EXPH5: variants seen among roughly 807,000 people sequenced by gnomAD.
EXPH5 encodes the protein exophilin-5.
Under a neutral mutation model 41.1 loss-of-function variants are expected in EXPH5, and 42 were observed. That is an observed-to-expected ratio of 1.02 (90% CI 0.80 to 1.32). The LOEUF is 1.32. Among genes scored for constraint, EXPH5 ranks in the 40% most tolerant of loss-of-function variants. EXPH5 has a pLI of 0.00. For synonymous variants in EXPH5, 798 were observed against 833.5 expected (o/e 0.96, Z 0.73); for missense variants, 2,298 against 2,314.5 (o/e 0.99, Z 0.15).
In EXPH5 at chr11:108,511,016, A is replaced by G. The variant is rs574611078; in HGVS notation, c.4491T>C (p.Asn1497=). 1.1e-4 allele frequency: 184 copies of G among 1,614,152 alleles called. 1 individual carries two copies. The South Asian group carries it at 1.9e-3, about 16-fold the overall frequency. Residue 1497 remains asparagine, a synonymous_variant, in exon 6 of 6, where the codon AAT becomes AAC. Coordinates refer to ENST00000265843, the MANE Select transcript of EXPH5 (RefSeq NM_015065.3). ...DIGTNCQKMT[N]KTLSHSESQV... is the part of the protein sequence containing the mutation. ...GACTCTCTGAGTGAGAAAGTGTTTT[A>G]TTAGTCATTTTTTGGCAGTTGGTTC... is the stretch of plus-strand genomic sequence containing the variant.
At chr11:108,553,571 A>G (rs370924055) in intron 1 of EXPH5, among the ~76,000 whole-genome samples, 13 of 152,228 alleles carry the variant, frequency 8.5e-5, no homozygotes, top group African/African-American at 3.1e-4. Flanking sequence ...TGTATTTACC[A>G]AATTACACTG....
At position 108,571,835 on chromosome 11, in the gene EXPH5, C is replaced by T. The variant is rs377341516; in HGVS notation, c.119+21583G>A. On this transcript the variant is annotated intron_variant, in intron 1 of 5. Transcript: ENST00000265843. ...CAGCACTTTGGGAGGCCAAGGCGGG[C>T]GGATCATGAGGTCAGGAGATCGAGA... Among the ~76,000 whole-genome samples the T allele has an allele frequency of 6.6e-5, 10 of 152,062 alleles. No individual in the cohort carries two copies. The East Asian group carries it at 1.2e-3, about 18-fold the overall frequency.
In EXPH5 at chr11:108,514,462, G is replaced by C; in HGVS notation, c.1045C>G (p.Gln349Glu). 3 of 1,613,660 alleles carry C rather than the reference G, an allele frequency of 1.9e-6. No individual in the cohort carries two copies. Among genetic ancestry groups the C allele is most frequent in the Non-Finnish European group, 8.5e-7 (1 of 1,179,822 alleles). Residue 349 changes from glutamine (Q) to glutamate (E), a missense_variant, in exon 6 of 6, where the codon CAG becomes GAG. Transcript: ENST00000265843. ...GGTGGTATAAACCCACTCTTGCTCT[G>C]AGTTGTGGCTGGAAAATGTAAGCTT... The part of the protein sequence containing the change: ...ARSLHFPATT[Q>E]SKSGFIPPRH...
intron 4 of EXPH5, among the ~76,000 whole-genome samples, chr11:108,527,919 C>T (rs1469652724): frequency 1.3e-5 from 2 of 152,210 alleles, no homozygotes; most frequent in African/African-American, 4.8e-5. Flanking sequence ...TAAGTGGAAA[C>T]ATGATGGCCT....
At position 108,511,333 on chromosome 11, in the gene EXPH5, C is replaced by T; in HGVS notation, c.4174G>A (p.Glu1392Lys). The part of the protein sequence containing the change: ...KKERGKKLQS[E>K]TLHTSLMLQR... Reference sequence around the variant, plus strand: ...AGCATCAATGAAGTATGCAGGGTTTCACTTTGCAACTTTTTGCCTCTTTCC... The same window carrying T: ...AGCATCAATGAAGTATGCAGGGTTTTACTTTGCAACTTTTTGCCTCTTTCC... The change falls in exon 6 of 6, where the codon GAA becomes AAA. Residue 1392 changes from glutamate to lysine, a missense_variant. Coordinates refer to ENST00000265843, the MANE Select transcript of EXPH5 (RefSeq NM_015065.3). 6.3e-7 allele frequency: 1 copy of T among 1,581,654 alleles called. No individual in the cohort carries two copies. The highest frequency in any genetic ancestry group is 1.2e-5 in the South Asian group (1 of 84,504).
intron 4 of EXPH5, among the ~76,000 whole-genome samples, chr11:108,524,232 C>G (rs2093783205): frequency 6.6e-6 from 1 of 152,226 alleles, no homozygotes; most frequent in African/African-American, 2.4e-5. Context: ...GTTATCTAAT[C>G]TCTTTGTACC....
In EXPH5 at chr11:108,510,340, G is replaced by A. The variant is rs780378830; in HGVS notation, c.5167C>T (p.Gln1723Ter). ...GCTCCTGATTCTCTTACTAAATTCT[G>A]AGCTGCTGTGACGTCTTTAGAATTC... is the stretch of plus-strand genomic sequence containing the variant. ...HENSKDVTAA[Q>*]NLVRESGAPS... The change falls in exon 6 of 6, where the codon CAG becomes TAG. Residue 1723 changes from glutamine to a stop codon, truncating the protein, a stop_gained. Transcript: ENST00000265843. LOFTEE classifies it low-confidence loss of function (END_TRUNC). 6.2e-7 allele frequency: 1 copy of A among 1,614,184 alleles called. No individual in the cohort carries two copies. Among genetic ancestry groups the A allele is most frequent in the Non-Finnish European group, 8.5e-7 (1 of 1,180,040 alleles).
At chr11:108,540,880 T>TA (rs892991242) in intron 2 of EXPH5, among the ~76,000 whole-genome samples, 3 of 151,660 alleles carry the variant, frequency 2.0e-5, no homozygotes, top group Non-Finnish European at 4.4e-5. Flanking sequence ...TTTAAGTGCT[T>TA]ACCCTGTTCC....
At chr11:108,584,736 C>T (rs565276481) in intron 1 of EXPH5, among the ~76,000 whole-genome samples, 25 of 152,270 alleles carry the variant, frequency 1.6e-4, no homozygotes, top group African/African-American at 5.8e-4. Context: ...TCAATCTAAA[C>T]CTCACACTGC....
At chr11:108,547,504 G>A (rs182020826) in intron 1 of EXPH5, among the ~76,000 whole-genome samples, 2 of 152,158 alleles carry the variant, frequency 1.3e-5, no homozygotes, top group African/African-American at 4.8e-5. Context: ...CATGAACCAC[G>A]GAGCACAGCC....
chr11:108,583,668 T>A (rs2094105184), intron 1 of EXPH5, among the ~76,000 whole-genome samples: 2 of 146,470 alleles, frequency 1.4e-5, no homozygotes, highest in East Asian at 2.0e-4. Flanking sequence ...TTAAAAAAAA[T>A]TAACAAAAAA....
At chr11:108,530,370 G>A (rs1207929981) in intron 3 of EXPH5, among the ~76,000 whole-genome samples, 2 of 152,108 alleles carry the variant, frequency 1.3e-5, no homozygotes, top group African/African-American at 4.8e-5. Flanking sequence ...CAAAACCTAA[G>A]TCAAGACTTG....
At chr11:108,604,815 G>C in the EXPH5 span, among the ~76,000 whole-genome samples, 1 of 152,102 alleles carries the variant, frequency 6.6e-6, no homozygotes, top group Non-Finnish European at 1.5e-5. Context: ...AGGAAATTCA[G>C]GTTATTAGGA....
Position 108,513,410 on chromosome 11 carries a change from A to G in EXPH5, c.2097T>C (p.Asn699=). 6.2e-7 allele frequency: 1 copy of G among 1,613,500 alleles called. No individual in the cohort carries two copies. The highest frequency in any genetic ancestry group is 8.5e-7 in the Non-Finnish European group (1 of 1,179,860). Residue 699 remains asparagine (N), a synonymous_variant, in exon 6 of 6, where the codon AAT becomes AAC. Coordinates refer to ENST00000265843, the MANE Select transcript of EXPH5 (RefSeq NM_015065.3). The part of the protein sequence containing the change: ...QPNILVTEVN[N]EKDLNESISE... The stretch of plus-strand genomic sequence containing the variant: ...AAATAGATTCATTTAAGTCTTTCTC[A>G]TTATTTACTTCTGTGACCAAGATAT...
In EXPH5 at chr11:108,514,437, G is replaced by C. The variant is rs1411923246; in HGVS notation, c.1070C>G (p.Pro357Arg). The change falls in exon 6 of 6, where the codon CCA becomes CGA. Residue 357 changes from proline to arginine, a missense_variant. Physicochemically the swap from Pro to Arg is moderately radical, Grantham distance 103. Transcript: ENST00000265843. ...TTQSKSGFIP[P>R]RHQQSPKRTP... Reference sequence around the variant, plus strand: ...TCTCTTTGGACTCTGCTGGTGCCTTGGTGGTATAAACCCACTCTTGCTCTG... The same window carrying C: ...TCTCTTTGGACTCTGCTGGTGCCTTCGTGGTATAAACCCACTCTTGCTCTG... The C allele has an allele frequency of 6.2e-7, 1 of 1,614,056 alleles. No homozygotes were observed. Among genetic ancestry groups the C allele is most frequent in the South Asian group, 1.1e-5 (1 of 91,064 alleles).
chr11:108,524,840 T>C (rs984641395), intron 4 of EXPH5, among the ~76,000 whole-genome samples: 11 of 152,322 alleles, frequency 7.2e-5, no homozygotes, highest in Admixed American at 5.9e-4. Flanking sequence ...CACTCATTCA[T>C]TTCTTCTTTC....
chr11:108,561,797 C>T (rs1251171794), intron 1 of EXPH5, among the ~76,000 whole-genome samples: 2 of 152,082 alleles, frequency 1.3e-5, no homozygotes, highest in East Asian at 1.9e-4. Context: ...TTGAGCAGTA[C>T]CATGAAGAGA....
intron 1 of EXPH5, among the ~76,000 whole-genome samples, chr11:108,544,315 C>G (rs1216143664): frequency 1.3e-5 from 2 of 152,086 alleles, no homozygotes; most frequent in African/African-American, 4.8e-5. Context: ...TCAGCCTCCC[C>G]AGTAGCTGGG....
chr11:108,528,753 A>G (rs2093817057), intron 3 of EXPH5, among the ~76,000 whole-genome samples: 1 of 121,062 alleles, frequency 8.3e-6, no homozygotes, highest in Non-Finnish European at 1.6e-5. Context: ...CCCAGGCTGG[A>G]GTGCAGTGGC....
Sources: allele counts gnomAD v4.1 joint callset (sites outside exome capture counted in the v4.1 genomes callset), GRCh38; gene constraint gnomAD v4.1.1; transcripts MANE v1.5; gene names NCBI Gene and HGNC (gene_info 2026-07-23, HGNC 2026-07-21).